Variants in SLC22A25 observed in about 807,000 individuals in gnomAD.
The protein encoded by SLC22A25 is solute carrier family 22 member 25, also known as MGI:2442751, MGI:2385316, MGI:3042283, MGI:3645714, MGI:3605624, MGI:2442750.
Under a neutral mutation model 45.9 loss-of-function variants are expected in SLC22A25, and 44 were observed. The ratio of observed to expected loss-of-function variants is 0.96; its 90% confidence interval spans 0.75 to 1.23. SLC22A25 has a LOEUF of 1.23. Ranked by LOEUF, SLC22A25 falls within the 50% of genes most tolerant of loss-of-function variation. SLC22A25 has a pLI of 0.00. For synonymous variants in SLC22A25, 283 were observed against 238.6 expected (o/e 1.19, Z -1.72); for missense variants, 800 against 666.4 (o/e 1.20, Z -2.21).
At chr11:63,197,410 A>G (rs757733434) in intron 7 of SLC22A25, among the ~76,000 whole-genome samples, 51 of 152,256 alleles carry the variant, frequency 3.3e-4, no homozygotes, top group Non-Finnish European at 6.2e-4. Context: ...AAACAGAGAT[A>G]TAGACCAGTG....
intron 7 of SLC22A25, among the ~76,000 whole-genome samples, chr11:63,189,360 A>T (rs2088700245): frequency 6.6e-6 from 1 of 152,066 alleles, no homozygotes; most frequent in Non-Finnish European, 1.5e-5. Context: ...AGAGACTAGG[A>T]TTGCTACCCC....
At chr11:63,198,062 A>T (rs2089114488) in intron 7 of SLC22A25, among the ~76,000 whole-genome samples, 1 of 152,236 alleles carries the variant, frequency 6.6e-6, no homozygotes, top group Admixed American at 6.5e-5. Flanking sequence ...ATCATTAAAA[A>T]GTCAGGAAAC....
chr11:63,217,840 A>G, intron 5 of SLC22A25, 105 bp from the exon 6 acceptor site: 1 of 1,318,674 alleles, frequency 7.6e-7, no homozygotes, highest in Non-Finnish European at 1.0e-6. Context: ...TAACAAGTGA[A>G]ACTTTACACT....
In SLC22A25 at chr11:63,163,709, G is replaced by T; in HGVS notation, c.*115C>A. On this transcript the variant is annotated 3_prime_UTR_variant, in exon 12 of 12. Coordinates refer to ENST00000306494, the MANE Select transcript of SLC22A25 (RefSeq NM_199352.6). The stretch of plus-strand genomic sequence containing the variant: ...TCAGGGGATGTATGAGGTCACTGTG[G>T]AAGGGATGAGGATACACCAAAGGCA... 1 of 1,387,612 alleles carries T rather than the reference G, an allele frequency of 7.2e-7. No homozygotes were observed. The highest frequency in any genetic ancestry group is 9.7e-7 in the Non-Finnish European group (1 of 1,029,314). The allele number at this position is 1,387,612 out of a possible 1,614,324, so 86.0% of individuals were successfully genotyped here.
chr11:63,166,036 T>C lies in SLC22A25; in HGVS notation c.1285+8A>G, dbSNP rs760496573. Reference sequence around the variant, plus strand: ...ATTTTCTTTCTTCCACCTGTGAACTTTTCTCACCTTGAGGCACAAATATGA... The same window carrying C: ...ATTTTCTTTCTTCCACCTGTGAACTCTTCTCACCTTGAGGCACAAATATGA... On this transcript the variant is annotated splice_region_variant and intron_variant, in intron 10 of 11. Transcript: ENST00000306494. 1.9e-6 allele frequency: 3 copies of C among 1,612,746 alleles called. No individual in the cohort carries two copies. The highest frequency in any genetic ancestry group is 1.7e-5 in the Admixed American group (1 of 59,956).
At chr11:63,217,219 G>C in intron 7 of SLC22A25, 95 bp downstream of exon 7, 3 of 1,407,336 alleles carry the variant, frequency 2.1e-6, no homozygotes, top group South Asian at 2.8e-5. Context: ...TGTACTCAAG[G>C]CTAGATAGAG....
In SLC22A25 at chr11:63,180,677, A is replaced by G. The variant is rs2088285315; in HGVS notation, c.1053T>C (p.Cys351=). 1.2e-6 allele frequency: 2 copies of G among 1,612,426 alleles called. No individual in the cohort carries two copies. The highest frequency in any genetic ancestry group is 1.7e-6 in the Non-Finnish European group (2 of 1,179,176). The change falls in exon 9 of 12, where the codon TGT becomes TGC. Residue 351 remains cysteine (C), a synonymous_variant. Transcript: ENST00000306494. The part of the protein sequence containing the change: ...LRIPNICKRI[C]FLSFVRFAST... ...AAACTTACCTCACAAAGGACAGGAA[A>G]CAGATTCTTTTACATATGTTGGGTA...
At chr11:63,187,579 A>G (rs1274102929) in intron 7 of SLC22A25, among the ~76,000 whole-genome samples, 1 of 152,134 alleles carries the variant, frequency 6.6e-6, no homozygotes, top group African/African-American at 2.4e-5. Context: ...TTCCAACACT[A>G]TGTTGAATAG....
chr11:63,229,364 T>C lies in SLC22A25; in HGVS notation c.289A>G (p.Lys97Glu), dbSNP rs145812369. 2.4e-4 allele frequency: 387 copies of C among 1,614,044 alleles called. 15 individuals are homozygous for C. Among genetic ancestry groups the C allele is most frequent in the East Asian group, 1.1e-3 (51 of 44,864 alleles). The change falls in exon 4 of 12, where the codon AAG becomes GAG. Residue 97 changes from lysine (K) to glutamate (E), a missense_variant. Coordinates refer to ENST00000306494, the MANE Select transcript of SLC22A25 (RefSeq NM_199352.6). ...AAGGTCCCATTCAGATGAATGAGCT[T>C]CCACTGGGGATGGACAAAGCGACGA... ...KCRRFVHPQWKLIHLNGTFPN... is the reference protein window; with the variant it reads ...KCRRFVHPQWELIHLNGTFPN...
In SLC22A25 at chr11:63,243,528, C is replaced by T. The variant is rs972381822; in HGVS notation, c.-1090G>A. 3 of 762,820 alleles carry T rather than the reference C, an allele frequency of 3.9e-6. No individual in the cohort carries two copies. The highest frequency in any genetic ancestry group is 7.4e-6 in the Non-Finnish European group (3 of 408,038). The allele number at this position is 762,820 out of a possible 1,614,324, so 47.3% of individuals were successfully genotyped here. A position where few individuals can be genotyped will look rare whatever the true frequency, so the allele number is the denominator to read the frequency against. Reference sequence around the variant, plus strand: ...TTCCTGGCCTCCAGGCTCAAAGAGTCCAGCCCACTGACTGCCAAAAAGCTG... The same window carrying T: ...TTCCTGGCCTCCAGGCTCAAAGAGTTCAGCCCACTGACTGCCAAAAAGCTG... On this transcript the variant is annotated 5_prime_UTR_variant, in exon 1 of 12. Transcript: ENST00000306494.
intron 7 of SLC22A25, among the ~76,000 whole-genome samples, chr11:63,185,789 C>T (rs1020884263): frequency 8.5e-5 from 12 of 140,504 alleles, no homozygotes; most frequent in Non-Finnish European, 1.2e-4. Context: ...TGAGAATATG[C>T]GGTGTTTGGT....
At chr11:63,181,399 C>T (rs147049731) in intron 8 of SLC22A25, among the ~76,000 whole-genome samples, 2 of 126,950 alleles carry the variant, frequency 1.6e-5, no homozygotes, top group Non-Finnish European at 3.3e-5. Context: ...CCCCTCCCCC[C>T]ACCCCACAAC....
intron 7 of SLC22A25, among the ~76,000 whole-genome samples, chr11:63,187,722 A>T (rs1002354735): frequency 6.6e-6 from 1 of 152,206 alleles, no homozygotes; most frequent in Non-Finnish European, 1.5e-5. Flanking sequence ...ACCTCTCATC[A>T]ATACCTAATT....
chr11:63,227,174 C>G (rs2089979037), intron 5 of SLC22A25, among the ~76,000 whole-genome samples: 3 of 151,722 alleles, frequency 2.0e-5, no homozygotes, highest in Non-Finnish European at 1.5e-5. Flanking sequence ...AGACAAAGTC[C>G]CCTTTATTCT....
At chr11:63,212,554 A>T (rs1435766925) in intron 7 of SLC22A25, among the ~76,000 whole-genome samples, 1 of 152,006 alleles carries the variant, frequency 6.6e-6, no homozygotes, top group Non-Finnish European at 1.5e-5. Flanking sequence ...ATTCTCAGCA[A>T]ACTATCACAA....
At chr11:63,234,614 A>G (rs1161724987) in intron 3 of SLC22A25, among the ~76,000 whole-genome samples, 2 of 152,180 alleles carry the variant, frequency 1.3e-5, no homozygotes, top group South Asian at 2.1e-4. Context: ...GTGCCTTTCA[A>G]TTGGAGCATT....
At chr11:63,185,489 A>T (rs1286071814) in intron 7 of SLC22A25, among the ~76,000 whole-genome samples, 1 of 151,782 alleles carries the variant, frequency 6.6e-6, no homozygotes, top group South Asian at 2.1e-4. Context: ...ATGGCTGCAT[A>T]GTATTCCATG....
intron 3 of SLC22A25, among the ~76,000 whole-genome samples, chr11:63,235,039 C>T (rs144771985): frequency 6.6e-6 from 1 of 152,166 alleles, no homozygotes; most frequent in South Asian, 2.1e-4. Flanking sequence ...CTGTGGGTAA[C>T]CTGACCTTTC....
chr11:63,188,072 G>A (rs1237886113), intron 7 of SLC22A25, among the ~76,000 whole-genome samples: 1 of 152,218 alleles, frequency 6.6e-6, no homozygotes, highest in African/African-American at 2.4e-5. Context: ...AAGGAGTTAG[G>A]GAGGATTCCC....
Sources: gnomAD v4.1 joint callset for allele counts (sites outside exome capture counted in the v4.1 genomes callset) on GRCh38, gnomAD v4.1.1 for gene constraint, MANE v1.5 for transcripts, NCBI Gene and HGNC (gene_info 2026-07-23, HGNC 2026-07-21) for gene names.